Variants in ITGBL1 observed in about 807,000 individuals in gnomAD.
ITGBL1 encodes the protein integrin beta-like protein 1.
A neutral mutation model predicts 68.5 loss-of-function variants in ITGBL1; 51 were observed. The observed-to-expected ratio is 0.74, with a 90% CI of 0.59 to 0.94. The LOEUF is 0.94. ITGBL1 is among the 40% of genes least tolerant of loss of function. The pLI is 0.00. For synonymous variants in ITGBL1, 209 were observed against 227.3 expected (o/e 0.92, Z 0.72); for missense variants, 649 against 647.4 (o/e 1.00, Z -0.03).
At chr13:101,471,031 A>G (rs1169626226) in intron 2 of ITGBL1, among the ~76,000 whole-genome samples, 5 of 152,234 alleles carry the variant, frequency 3.3e-5, no homozygotes, top group African/African-American at 1.2e-4. Flanking sequence ...AAGTTACACC[A>G]TTTAGTACAG....
At chr13:101,501,993 C>G (rs2048950575) in intron 2 of ITGBL1, among the ~76,000 whole-genome samples, 1 of 152,042 alleles carries the variant, frequency 6.6e-6, no homozygotes, top group Non-Finnish European at 1.5e-5. Flanking sequence ...CCTGAAAGGG[C>G]ATTTTTGGGT....
chr13:101,605,042 G>T (rs1444671204), intron 7 of ITGBL1, among the ~76,000 whole-genome samples: 1 of 121,726 alleles, frequency 8.2e-6, no homozygotes, highest in Non-Finnish European at 1.7e-5. Flanking sequence ...ATACATATAC[G>T]CATATATGTG....
chr13:101,665,572 C>A (rs963635468), intron 7 of ITGBL1, among the ~76,000 whole-genome samples: 2 of 151,976 alleles, frequency 1.3e-5, no homozygotes, highest in African/African-American at 4.8e-5. Flanking sequence ...ATGACTGTAG[C>A]ATTTCTTCCT....
intron 7 of ITGBL1, among the ~76,000 whole-genome samples, chr13:101,610,386 C>T (rs2031067360): frequency 6.6e-6 from 1 of 152,128 alleles, no homozygotes. Flanking sequence ...TGCGATGCCC[C>T]TCTTAGGATA....
In ITGBL1 at chr13:101,698,903, A is replaced by T. The variant is rs568295366; in HGVS notation, c.1132+6202A>T. Reference sequence around the variant, plus strand: ...TTCTTCTTTCCTCTATACTCCTGGAATAGCTACCCATGAGTCCAATTTAAA... The same window carrying T: ...TTCTTCTTTCCTCTATACTCCTGGATTAGCTACCCATGAGTCCAATTTAAA... On this transcript the variant is annotated intron_variant, in intron 8 of 10. Transcript: ENST00000376180. Among the ~76,000 whole-genome samples the T allele has an allele frequency of 2.6e-5, 4 of 152,294 alleles. No homozygotes were observed. In the East Asian group the frequency reaches 7.7e-4, roughly 29 times the overall value.
rs905400019 is a variant in ITGBL1, at chr13:101,453,977, G to A, written c.193G>A (p.Gly65Ser). Residue 65 changes from glycine (G) to serine (S), a missense_variant, in exon 2 of 11, where the codon GGC becomes AGC. Gly to Ser is a moderately conservative substitution (Grantham distance 56). Coordinates refer to ENST00000376180, the MANE Select transcript of ITGBL1 (RefSeq NM_004791.3). ...GCCCCCGGGGGCCGCGCTGTGCCAC[G>A]GCCGGGGCCGCTGCGACTGCGGCGT... ...GQPPGAALCH[G>S]RGRCDCGVCI... 3.9e-6 allele frequency: 6 copies of A among 1,530,986 alleles called. No homozygotes were observed. Among genetic ancestry groups the A allele is most frequent in the Admixed American group, 2.0e-5 (1 of 49,126 alleles). 94.8% of individuals were successfully genotyped at this position (1,530,986 alleles called of 1,614,324 possible). A position where few individuals can be genotyped will look rare whatever the true frequency, so the allele number is the denominator to read the frequency against.
At chr13:101,669,408 A>C (rs1459002268) in intron 7 of ITGBL1, among the ~76,000 whole-genome samples, 3 of 152,170 alleles carry the variant, frequency 2.0e-5, no homozygotes, top group Non-Finnish European at 2.9e-5. Context: ...AAAATATAGG[A>C]GAAAACTGAA....
intron 7 of ITGBL1, among the ~76,000 whole-genome samples, chr13:101,625,909 C>T (rs929925936): frequency 1.3e-5 from 2 of 152,146 alleles, no homozygotes; most frequent in African/African-American, 4.8e-5. Flanking sequence ...GTTCTAAAGA[C>T]TGCACATGTA....
chr13:101,550,184 T>G (rs767389691), intron 2 of ITGBL1, among the ~76,000 whole-genome samples: 2 of 152,192 alleles, frequency 1.3e-5, no homozygotes, highest in African/African-American at 4.8e-5. Flanking sequence ...TTTGTCAACA[T>G]AGGCCCTGAC....
chr13:101,596,371 A>G (rs2029970499), intron 6 of ITGBL1, among the ~76,000 whole-genome samples: 1 of 152,212 alleles, frequency 6.6e-6, no homozygotes, highest in African/African-American at 2.4e-5. Flanking sequence ...CATGGTTACT[A>G]TAGTTTGTAA....
chr13:101,515,545 G>T (rs1437385913), intron 2 of ITGBL1, among the ~76,000 whole-genome samples: 2 of 151,948 alleles, frequency 1.3e-5, no homozygotes, highest in African/African-American at 4.8e-5. Context: ...TACCTCTCAG[G>T]GTTTTAGAAG....
intron 3 of ITGBL1, among the ~76,000 whole-genome samples, chr13:101,568,762 C>T (rs543067048): frequency 5.3e-5 from 8 of 152,004 alleles, no homozygotes; most frequent in Non-Finnish European, 1.2e-4. Flanking sequence ...CCATCTCTAA[C>T]CAGAGCTGAG....
chr13:101,543,150 C>T (rs1203457376), intron 2 of ITGBL1, among the ~76,000 whole-genome samples: 1 of 152,124 alleles, frequency 6.6e-6, no homozygotes, highest in African/African-American at 2.4e-5. Flanking sequence ...TTCTTCCTAG[C>T]CTTGATGGTC....
chr13:101,538,881 T>C (rs1174975771), intron 2 of ITGBL1, among the ~76,000 whole-genome samples: 1 of 152,008 alleles, frequency 6.6e-6, no homozygotes, highest in Non-Finnish European at 1.5e-5. Flanking sequence ...ACATAGAAAT[T>C]CTGTAATGCA....
downstream of ITGBL1, chr13:101,717,065 T>A (rs572361610): frequency 1.3e-5 from 2 of 152,174 alleles, no homozygotes; most frequent in East Asian, 3.9e-4. Context: ...CCTAGAATAA[T>A]GTAGCAAAAT....
At chr13:101,700,277 A>C (rs1206736060) in intron 8 of ITGBL1, among the ~76,000 whole-genome samples, 1 of 152,194 alleles carries the variant, frequency 6.6e-6, no homozygotes, top group Non-Finnish European at 1.5e-5. Context: ...AAACAGCATC[A>C]TTATTCACAC....
At chr13:101,498,019 C>T (rs1422630098) in intron 2 of ITGBL1, among the ~76,000 whole-genome samples, 1 of 152,040 alleles carries the variant, frequency 6.6e-6, no homozygotes, top group Admixed American at 6.6e-5. Context: ...GTGTCTGGTT[C>T]TGTGTTGGGA....
Position 101,575,458 on chromosome 13 carries a change from T to C in ITGBL1, c.498T>C (p.Asn166=), listed in dbSNP as rs1566738524. ...TCHCGRCKCD[N]SDGSGLVYGK... ...ACTGTGGCAGGTGTAAGTGTGATAA[T>C]TCAGATGGAAGTGGACTTGTGTATG... is the stretch of plus-strand genomic sequence containing the variant. The change falls in exon 4 of 11, where the codon AAT becomes AAC. Residue 166 remains asparagine, a synonymous_variant. Transcript: ENST00000376180. 1 of 1,613,174 alleles carries C rather than the reference T, an allele frequency of 6.2e-7. No individual in the cohort carries two copies. Among genetic ancestry groups the C allele is most frequent in the East Asian group, 2.2e-5 (1 of 44,818 alleles).
chr13:101,541,799 G>A (rs544283775), intron 2 of ITGBL1, among the ~76,000 whole-genome samples: 12 of 152,194 alleles, frequency 7.9e-5, no homozygotes, highest in Admixed American at 6.5e-4. Flanking sequence ...TGTATGTGTC[G>A]AGGAATTTAT....
Sources: gnomAD v4.1 joint callset for allele counts (sites outside exome capture counted in the v4.1 genomes callset) on GRCh38, gnomAD v4.1.1 for gene constraint, MANE v1.5 for transcripts, NCBI Gene and HGNC (gene_info 2026-07-23, HGNC 2026-07-21) for gene names.